Variants in SLC4A10 observed in about 807,000 individuals in gnomAD.
SLC4A10 encodes the protein solute carrier family 4 member 10.
A neutral mutation model predicts 137.7 loss-of-function variants in SLC4A10; 42 were observed. That is an observed-to-expected ratio of 0.30 (90% CI 0.24 to 0.39). The LOEUF is 0.39. Among genes scored for constraint, SLC4A10 ranks in the 10% least tolerant of loss-of-function variants. The pLI is 1.00. For missense variants in SLC4A10, 925 were observed against 1,355.0 expected (o/e 0.68, Z 4.98); for synonymous variants, 474 against 464.1 (o/e 1.02, Z -0.27).
intron 1 of SLC4A10, among the ~76,000 whole-genome samples, chr2:161,746,922 GTTTTATT>G (rs2048448516): frequency 6.6e-6 from 1 of 152,232 alleles, no homozygotes; most frequent in East Asian, 1.9e-4. Context: ...TCTGGTTAGT[GTTTTATT>G]TTGCTGTAGC....
chr2:161,638,160 T>G (rs2034729057), intron 1 of SLC4A10, among the ~76,000 whole-genome samples: 1 of 152,182 alleles, frequency 6.6e-6, no homozygotes, highest in African/African-American at 2.4e-5. Context: ...TGTTTTTGCT[T>G]TTGTTGCCTG....
At chr2:161,975,411 A>G (rs72867092) in intron 24 of SLC4A10, among the ~76,000 whole-genome samples, 2,364 of 152,334 alleles carry the variant, frequency 0.016, 25 homozygotes, top group Middle Eastern at 0.031. Context: ...CAATCTAAGT[A>G]GTACTGCATT....
In SLC4A10 at chr2:161,685,061, A is replaced by G. The variant is rs148261808; in HGVS notation, c.48+60495A>G. 1.2e-3 allele frequency among the ~76,000 whole-genome samples: 187 copies of G among 152,290 alleles called. 5 individuals are homozygous for G. In the East Asian group the frequency reaches 0.032, roughly 26 times the overall value. Reference sequence around the variant, plus strand: ...TGCCTAACAGTAGGCATTGATTTTCATGATTTGCAGTTGATCTGTTTACCG... The same window carrying G: ...TGCCTAACAGTAGGCATTGATTTTCGTGATTTGCAGTTGATCTGTTTACCG... On this transcript the variant is annotated intron_variant, in intron 1 of 26. Transcript: ENST00000446997.
At chr2:161,670,839 C>T (rs1220055543) in intron 1 of SLC4A10, among the ~76,000 whole-genome samples, 1 of 152,038 alleles carries the variant, frequency 6.6e-6, no homozygotes, top group East Asian at 1.9e-4. Flanking sequence ...CCAGATCAAA[C>T]CTCCCTCTTC....
chr2:161,877,602 C>A (rs958276397), intron 8 of SLC4A10, among the ~76,000 whole-genome samples: 1 of 152,006 alleles, frequency 6.6e-6, no homozygotes, highest in East Asian at 1.9e-4. Flanking sequence ...TGAAATTTAA[C>A]CTTACTTATT....
chr2:161,964,346 A>AT, intron 22 of SLC4A10, 38 bp downstream of exon 22: 7 of 1,598,110 alleles, frequency 4.4e-6, no homozygotes, highest in Non-Finnish European at 6.0e-6. Flanking sequence ...TCTTTCTCTG[A>AT]TTTGCTGGTC....
chr2:161,767,178 ATG>A (rs71009338), intron 1 of SLC4A10, among the ~76,000 whole-genome samples: 39,249 of 94,808 alleles, frequency 0.41, 8,656 homozygotes, highest in East Asian at 0.6. Context: ...ATTTATATAT[ATG>A]TGTGTGTGTG....
intron 2 of SLC4A10, among the ~76,000 whole-genome samples, chr2:161,772,507 A>C (rs2051760815): frequency 6.6e-6 from 1 of 151,906 alleles, no homozygotes; most frequent in South Asian, 2.1e-4. Flanking sequence ...ACCTACATAT[A>C]TTACATATGC....
At chr2:161,657,757 C>T (rs1341592170) in intron 1 of SLC4A10, among the ~76,000 whole-genome samples, 1 of 151,722 alleles carries the variant, frequency 6.6e-6, no homozygotes, top group Non-Finnish European at 1.5e-5. Flanking sequence ...GCTTAAAAAA[C>T]TAAAATGGGA....
At chr2:161,701,746 C>T (rs2043139451) in intron 1 of SLC4A10, among the ~76,000 whole-genome samples, 1 of 151,780 alleles carries the variant, frequency 6.6e-6, no homozygotes, top group Non-Finnish European at 1.5e-5. Flanking sequence ...CCCTTCCTAG[C>T]TTCTCATAAC....
intron 1 of SLC4A10, among the ~76,000 whole-genome samples, chr2:161,700,018 G>T (rs1375677261): frequency 2.6e-5 from 4 of 152,106 alleles, no homozygotes; most frequent in Non-Finnish European, 4.4e-5. Flanking sequence ...ATATCCTAGG[G>T]TTATTAAATG....
At chr2:161,929,213 A>T (rs1689857214) in intron 15 of SLC4A10, among the ~76,000 whole-genome samples, 1 of 152,024 alleles carries the variant, frequency 6.6e-6, no homozygotes, top group African/African-American at 2.4e-5. Flanking sequence ...CGAGAAAGAG[A>T]CTCTTGCTTC....
chr2:161,634,555 C>A (rs952705290), intron 1 of SLC4A10, among the ~76,000 whole-genome samples: 1 of 151,702 alleles, frequency 6.6e-6, no homozygotes, highest in African/African-American at 2.4e-5. Context: ...CTTTTTAAAA[C>A]TTTTATTTGG....
intron 3 of SLC4A10, among the ~76,000 whole-genome samples, chr2:161,812,861 A>G (rs1032019169): frequency 5.9e-5 from 9 of 151,910 alleles, no homozygotes; most frequent in Non-Finnish European, 1.0e-4. Flanking sequence ...TCTGCTCTGT[A>G]TCCTTTTCCT....
intron 3 of SLC4A10, among the ~76,000 whole-genome samples, chr2:161,819,624 A>G (rs2057439332): frequency 6.6e-6 from 1 of 151,826 alleles, no homozygotes; most frequent in South Asian, 2.1e-4. Flanking sequence ...CCTCCTGAGT[A>G]GCTGGGATTA....
At chr2:161,880,489 A>G (rs1314291013) in intron 9 of SLC4A10, among the ~76,000 whole-genome samples, 1 of 152,036 alleles carries the variant, frequency 6.6e-6, no homozygotes, top group African/African-American at 2.4e-5. Context: ...ATGTCTGACT[A>G]TGGTTTGGGG....
intron 24 of SLC4A10, 146 bp from the exon 25 acceptor site, chr2:161,976,614 A>T: frequency 2.1e-6 from 1 of 479,016 alleles, no homozygotes; most frequent in Non-Finnish European, 3.7e-6. Context: ...AGTAAATTTT[A>T]TGTTATGTGT....
chr2:161,840,788 C>T (rs1353194489), intron 4 of SLC4A10, among the ~76,000 whole-genome samples: 1 of 152,188 alleles, frequency 6.6e-6, no homozygotes, highest in Non-Finnish European at 1.5e-5. Flanking sequence ...TACCAATCAC[C>T]TGGAATATTG....
chr2:161,905,630 T>C lies in SLC4A10; in HGVS notation c.1752-12T>C. ...CCTTCTTTTCACTGTTCTTTCCTTT[T>C]CCTCCTCCCAGAGAATATGGGCTGT... On this transcript the variant is annotated splice_polypyrimidine_tract_variant and intron_variant, in intron 14 of 26. Coordinates refer to ENST00000446997, the MANE Select transcript of SLC4A10 (RefSeq NM_001178015.2). 3 of 1,574,952 alleles carry C rather than the reference T, an allele frequency of 1.9e-6. No individual in the cohort carries two copies. Among genetic ancestry groups the C allele is most frequent in the Non-Finnish European group, 2.6e-6 (3 of 1,162,114 alleles).
Sources: allele counts gnomAD v4.1 joint callset (sites outside exome capture counted in the v4.1 genomes callset), GRCh38; gene constraint gnomAD v4.1.1; transcripts MANE v1.5; gene names NCBI Gene and HGNC (gene_info 2026-07-23, HGNC 2026-07-21).